Variants in WWOX observed in about 807,000 individuals in gnomAD.
WWOX encodes the protein WW domain-containing oxidoreductase.
Under a neutral mutation model 46.2 loss-of-function variants are expected in WWOX, and 69 were observed. That is an observed-to-expected ratio of 1.49 (90% CI 1.23 to 1.82). The LOEUF is 1.82. WWOX is among the 40% of genes most tolerant of loss of function. The pLI is 0.00. For missense variants in WWOX, 919 were observed against 542.6 expected (o/e 1.69, Z -6.89); for synonymous variants, 359 against 202.6 (o/e 1.77, Z -6.56).
At chr16:78,583,678 TG>T (rs929356506) in intron 8 of WWOX, among the ~76,000 whole-genome samples, 1 of 152,112 alleles carries the variant, frequency 6.6e-6, no homozygotes, top group African/African-American at 2.4e-5. Context: ...GGCAGCGGGT[TG>T]GGGGGGTTGC....
chr16:78,578,288 T>A (rs868173442), intron 8 of WWOX, among the ~76,000 whole-genome samples: 221 of 40,824 alleles, frequency 5.4e-3, no homozygotes, highest in African/African-American at 8.3e-3. Context: ...ATATATATTT[T>A]TTTTTTTTTT....
intron 8 of WWOX, among the ~76,000 whole-genome samples, chr16:78,540,351 A>C (rs773080774): frequency 6.6e-6 from 1 of 152,018 alleles, no homozygotes; most frequent in Non-Finnish European, 1.5e-5. Context: ...TTGGTTCTAC[A>C]CATTAGAATT....
intron 8 of WWOX, among the ~76,000 whole-genome samples, chr16:78,561,556 T>C (rs149733938): frequency 4.6e-5 from 7 of 151,974 alleles, no homozygotes; most frequent in East Asian, 1.9e-4. Context: ...GGGAGGCCAA[T>C]TTAGAATTTT....
At chr16:78,847,774 A>C (rs2052339295) in intron 8 of WWOX, among the ~76,000 whole-genome samples, 1 of 148,486 alleles carries the variant, frequency 6.7e-6, no homozygotes, top group Non-Finnish European at 1.5e-5. Flanking sequence ...AGCTTGTTTA[A>C]AAAAAAAAAG....
intron 5 of WWOX, among the ~76,000 whole-genome samples, chr16:78,202,596 GC>G (rs1391071292): frequency 3.3e-5 from 5 of 152,128 alleles, no homozygotes; most frequent in African/African-American, 1.2e-4. Context: ...ATGTATTTCA[GC>G]TTTTAACATT....
intron 5 of WWOX, among the ~76,000 whole-genome samples, chr16:78,310,810 C>G (rs1340056938): frequency 6.6e-6 from 1 of 152,204 alleles, no homozygotes; most frequent in Non-Finnish European, 1.5e-5. Context: ...ATGTTTTAAG[C>G]CCTGAGAGAA....
At chr16:78,611,415 C>A (rs929169158) in intron 8 of WWOX, among the ~76,000 whole-genome samples, 1 of 152,252 alleles carries the variant, frequency 6.6e-6, no homozygotes, top group Middle Eastern at 3.4e-3. Flanking sequence ...AATTGTCTAT[C>A]CTAAGGGAAT....
intron 6 of WWOX, among the ~76,000 whole-genome samples, chr16:78,403,009 T>C (rs1167784466): frequency 1.3e-5 from 2 of 152,176 alleles, no homozygotes; most frequent in African/African-American, 4.8e-5. Flanking sequence ...ATTTTTATCA[T>C]AACATGGAAT....
chr16:78,235,275 A>G (rs766986445), intron 5 of WWOX, among the ~76,000 whole-genome samples: 2 of 151,962 alleles, frequency 1.3e-5, no homozygotes, highest in African/African-American at 2.4e-5. Context: ...GTGTTCTTTG[A>G]TTTGTTCTGC....
intron 6 of WWOX, among the ~76,000 whole-genome samples, chr16:78,422,245 T>C (rs954638626): frequency 3.3e-5 from 5 of 152,298 alleles, no homozygotes; most frequent in East Asian, 1.9e-4. Flanking sequence ...TTCCACTGTT[T>C]TAGAGAGCAG....
intron 8 of WWOX, among the ~76,000 whole-genome samples, chr16:78,487,919 C>A (rs936893100): frequency 1.3e-5 from 2 of 152,190 alleles, no homozygotes; most frequent in African/African-American, 4.8e-5. Flanking sequence ...GCAAGCTGGA[C>A]TGCAGAAAGA....
intron 5 of WWOX, among the ~76,000 whole-genome samples, chr16:78,231,313 A>G (rs1351315708): frequency 6.6e-6 from 1 of 152,186 alleles, no homozygotes; most frequent in Admixed American, 6.5e-5. Context: ...CAGTGTCCAT[A>G]AAAAAATGTA....
Position 78,424,969 on chromosome 16 carries a change from G to C in WWOX, c.705G>C (p.Gly235=). The C allele has an allele frequency of 6.2e-7, 1 of 1,614,120 alleles. No homozygotes were observed. Among genetic ancestry groups the C allele is most frequent in the Non-Finnish European group, 8.5e-7 (1 of 1,180,038 alleles). The part of the protein sequence containing the change: ...LETTFQVNHL[G]HFYLVQLLQD... ...CCACCTTTCAAGTGAATCATCTGGGGCACTTCTACCTTGTCCAGCTCCTCC... is the reference window on the plus strand; with the variant it reads ...CCACCTTTCAAGTGAATCATCTGGGCCACTTCTACCTTGTCCAGCTCCTCC... The change falls in exon 7 of 9, where the codon GGG becomes GGC. Residue 235 remains glycine (G), a synonymous_variant. Transcript: ENST00000566780.
intron 8 of WWOX, among the ~76,000 whole-genome samples, chr16:79,198,173 A>AT (rs1491322365): frequency 6.6e-6 from 1 of 150,546 alleles, no homozygotes; most frequent in Non-Finnish European, 1.5e-5. Context: ...AAAAAAAAAA[A>AT]CAAAAACCAC....
At chr16:78,962,275 G>A (rs1000219661) in intron 8 of WWOX, among the ~76,000 whole-genome samples, 4 of 140,118 alleles carry the variant, frequency 2.9e-5, no homozygotes, top group Non-Finnish European at 6.1e-5. Flanking sequence ...GTGCCAGAAG[G>A]AAGAGATTTG....
chr16:78,682,935 A>G (rs1462606441), intron 8 of WWOX, among the ~76,000 whole-genome samples: 2 of 152,164 alleles, frequency 1.3e-5, no homozygotes, highest in African/African-American at 2.4e-5. Flanking sequence ...ATAAGCTCCA[A>G]GTGAGTGATT....
intron 8 of WWOX, among the ~76,000 whole-genome samples, chr16:78,927,644 G>A (rs75889530): frequency 0.011 from 1,638 of 152,248 alleles, 32 homozygotes; most frequent in African/African-American, 0.038. Context: ...AATCTAAATT[G>A]GAGAGAAGGA....
rs145531568 is a variant in WWOX, at chr16:78,794,202, C to T, written c.1056+361450C>T. Reference sequence around the variant, plus strand: ...CTTCTTCCACCATGTGAGAAAACAGCAAGAAGAATATCCATGAATCTATGA... The same window carrying T: ...CTTCTTCCACCATGTGAGAAAACAGTAAGAAGAATATCCATGAATCTATGA... On this transcript the variant is annotated intron_variant, in intron 8 of 8. Coordinates refer to ENST00000566780, the MANE Select transcript of WWOX (RefSeq NM_016373.4). Among the ~76,000 whole-genome samples the T allele has an allele frequency of 2.5e-3, 384 of 152,230 alleles. 4 individuals are homozygous for T. Among genetic ancestry groups the T allele is most frequent in the African/African-American group, 8.6e-3 (358 of 41,554 alleles).
At position 79,113,372 on chromosome 16, in the gene WWOX, G is replaced by C. The variant is rs1243675934; in HGVS notation, c.1057-98236G>C. ...TGCCCCATCAGGGGGCAAAGAAACTGGAGTACTTACCCACCAGATCCTCAT... is the reference window on the plus strand; with the variant it reads ...TGCCCCATCAGGGGGCAAAGAAACTCGAGTACTTACCCACCAGATCCTCAT... On this transcript the variant is annotated intron_variant, in intron 8 of 8. Coordinates refer to ENST00000566780, the MANE Select transcript of WWOX (RefSeq NM_016373.4). 2.0e-5 allele frequency among the ~76,000 whole-genome samples: 3 copies of C among 152,176 alleles called. No individual in the cohort carries two copies. The South Asian group carries it at 6.2e-4, about 32-fold the overall frequency.
Sources: allele counts gnomAD v4.1 joint callset (sites outside exome capture counted in the v4.1 genomes callset), GRCh38; gene constraint gnomAD v4.1.1; transcripts MANE v1.5; gene names NCBI Gene and HGNC (gene_info 2026-07-23, HGNC 2026-07-21).